The following PDE4D variants were observed in gnomAD, a reference collection of about 807,000 sequenced individuals.
PDE4D encodes 3',5'-cyclic-AMP phosphodiesterase 4D.
PDE4D carries 24 observed loss-of-function variants against 87.4 expected under a neutral mutation model. The ratio of observed to expected loss-of-function variants is 0.27; its 90% CI spans 0.20 to 0.39. The LOEUF (loss-of-function observed/expected upper bound fraction) is 0.39, where lower values mean the gene tolerates loss of function less well. Ranked by LOEUF, PDE4D falls within the 10% of genes least tolerant of loss-of-function variation. The pLI is 1.00. For synonymous variants in PDE4D, 384 were observed against 383.2 expected (o/e 1.00, Z -0.02); for missense variants, 714 against 1,041.0 (o/e 0.69, Z 4.32).
At chr5:59,398,347 C>A (rs1328818385) in intron 1 of PDE4D, among the ~76,000 whole-genome samples, 9 of 135,718 alleles carry the variant, frequency 6.6e-5, no homozygotes, top group Middle Eastern at 3.6e-3. Context: ...TACTGGCAAA[C>A]CAAATCCAGC....
chr5:59,965,653 C>T (rs75375743), intron 3 of PDE4D, among the ~76,000 whole-genome samples: 1,575 of 152,230 alleles, frequency 0.01, 38 homozygotes, highest in African/African-American at 0.036. Flanking sequence ...CCCTCCCTGC[C>T]ACAAGAAGCA....
chr5:59,038,773 A>ATT, intron 6 of PDE4D, 86 bp downstream of exon 6: 1 of 1,266,436 alleles, frequency 7.9e-7, no homozygotes, highest in Non-Finnish European at 1.0e-6. Context: ...CTCTCAATTT[A>ATT]TTTCCCGGGG....
Position 59,672,111 on chromosome 5 carries a change from G to T in PDE4D, c.455+221057C>A, listed in dbSNP as rs540321643. 2.1e-3 allele frequency among the ~76,000 whole-genome samples: 313 copies of T among 152,256 alleles called. 1 individual carries two copies. The highest frequency in any genetic ancestry group is 7.1e-3 in the African/African-American group (295 of 41,552). On this transcript the variant is annotated intron_variant, in intron 1 of 14. Coordinates refer to ENST00000340635, the MANE Select transcript of PDE4D (RefSeq NM_001104631.2). Reference sequence around the variant, plus strand: ...GGCTAACGGCAGGGCTGGAGCTAAAGTTGAGGCAGAACCTCATTTCTGCCA... The same window carrying T: ...GGCTAACGGCAGGGCTGGAGCTAAATTTGAGGCAGAACCTCATTTCTGCCA...
intron 1 of PDE4D, among the ~76,000 whole-genome samples, chr5:59,816,232 C>G (rs1211496223): frequency 2.0e-5 from 3 of 152,220 alleles, no homozygotes. Flanking sequence ...GACTTACATT[C>G]AGGTGGACTC....
chr5:59,334,285 G>A (rs1341694749), intron 1 of PDE4D, among the ~76,000 whole-genome samples: 1 of 133,418 alleles, frequency 7.5e-6, no homozygotes. Flanking sequence ...TGGAGATGGA[G>A]CCTAGCTCTG....
chr5:59,622,278 G>A (rs1830431942), intron 1 of PDE4D, among the ~76,000 whole-genome samples: 1 of 152,052 alleles, frequency 6.6e-6, no homozygotes, highest in Non-Finnish European at 1.5e-5. Context: ...AATTCCAGGG[G>A]GAAAAGTATT....
intron 1 of PDE4D, among the ~76,000 whole-genome samples, chr5:60,313,303 C>T (rs1477707876): frequency 2.0e-5 from 3 of 152,080 alleles, no homozygotes; most frequent in Admixed American, 1.3e-4. Flanking sequence ...TAATGAACAC[C>T]TTTATGCATA....
chr5:60,324,868 C>T (rs1158253354), intron 1 of PDE4D, among the ~76,000 whole-genome samples: 2 of 152,106 alleles, frequency 1.3e-5, no homozygotes, highest in East Asian at 3.8e-4. Context: ...CAACAGAAAA[C>T]AAAGTATAGT....
chr5:59,271,957 G>A (rs965147824), intron 1 of PDE4D, among the ~76,000 whole-genome samples: 2 of 151,190 alleles, frequency 1.3e-5, no homozygotes, highest in Non-Finnish European at 2.9e-5. Context: ...CAAAAGCTTG[G>A]ACAGAGTCTT....
chr5:59,014,590 T>C (rs1753580848), intron 6 of PDE4D, among the ~76,000 whole-genome samples: 1 of 152,132 alleles, frequency 6.6e-6, no homozygotes. Context: ...TTACAAGGGA[T>C]GTGAAGGACC....
chr5:60,065,964 A>T (rs113755601), intron 2 of PDE4D, among the ~76,000 whole-genome samples: 2,254 of 152,254 alleles, frequency 0.015, 53 homozygotes, highest in African/African-American at 0.05. Context: ...ATGGGATGGC[A>T]GGGTCAAATG....
intron 1 of PDE4D, among the ~76,000 whole-genome samples, chr5:59,816,709 A>C (rs76992806): frequency 0.014 from 2,163 of 152,234 alleles, 41 homozygotes; most frequent in African/African-American, 0.042. Flanking sequence ...ACACTCAGAA[A>C]GGTAGGGACA....
chr5:59,248,231 G>T (rs979701083), intron 1 of PDE4D, among the ~76,000 whole-genome samples: 1 of 149,662 alleles, frequency 6.7e-6, no homozygotes, highest in Non-Finnish European at 1.5e-5. Context: ...AAGTTGTCCT[G>T]TTCACGCCTG....
chr5:60,473,558 A>G (rs149047672), intron 1 of PDE4D, among the ~76,000 whole-genome samples: 1 of 152,270 alleles, frequency 6.6e-6, no homozygotes, highest in Non-Finnish European at 1.5e-5. Flanking sequence ...CTTTTTGACA[A>G]TTCTTGCAAC....
chr5:59,252,864 T>C lies in PDE4D; in HGVS notation c.456-36896A>G, dbSNP rs1456879032. ...GATTTTAAATGCCAAAGTGATAATA[T>C]GGAGCAGATAGAATAAGATCCAGAA... On this transcript the variant is annotated intron_variant, in intron 1 of 14. Transcript: ENST00000340635. 2.0e-5 allele frequency among the ~76,000 whole-genome samples: 3 copies of C among 152,136 alleles called. No homozygotes were observed. In the South Asian group the frequency reaches 6.2e-4, roughly 32 times the overall value.
chr5:59,036,786 T>C (rs1431754060), intron 6 of PDE4D, among the ~76,000 whole-genome samples: 1 of 152,214 alleles, frequency 6.6e-6, no homozygotes, highest in African/African-American at 2.4e-5. Context: ...ATGTTAAAAA[T>C]TAGTGTGACA....
intron 3 of PDE4D, among the ~76,000 whole-genome samples, chr5:59,950,989 A>G (rs1758235641): frequency 1.3e-5 from 2 of 152,132 alleles, no homozygotes; most frequent in South Asian, 2.1e-4. Context: ...TGTCAATATT[A>G]TTAGCAATAT....
intron 1 of PDE4D, among the ~76,000 whole-genome samples, chr5:59,583,395 C>G (rs1448308084): frequency 2.6e-5 from 4 of 152,172 alleles, no homozygotes; most frequent in African/African-American, 9.7e-5. Flanking sequence ...CAGGCTATCT[C>G]TCCATTCTAA....
At chr5:59,990,644 A>G (rs537143106) in intron 2 of PDE4D, among the ~76,000 whole-genome samples, 3 of 152,370 alleles carry the variant, frequency 2.0e-5, no homozygotes, top group South Asian at 2.1e-4. Context: ...TAAAACATCA[A>G]TAATAATGAC....
Sources: gnomAD v4.1 joint callset for allele counts (sites outside exome capture counted in the v4.1 genomes callset) on GRCh38, gnomAD v4.1.1 for gene constraint, MANE v1.5 for transcripts, NCBI Gene and HGNC (gene_info 2026-07-23, HGNC 2026-07-21) for gene names.